RPL35A: variants seen among roughly 807,000 people sequenced by gnomAD.
RPL35A encodes large ribosomal subunit protein eL33.
RPL35A carries 1 observed loss-of-function variant against 16.7 expected under a neutral mutation model. That is an observed-to-expected ratio of 0.06 (90% CI 0.02 to 0.28). The LOEUF (loss-of-function observed/expected upper bound fraction) is 0.28. RPL35A is among the 10% of genes least tolerant of loss of function. The pLI, the probability that RPL35A is intolerant of heterozygous loss-of-function variation, is 1.00. For missense variants in RPL35A, 91 were observed against 138.7 expected, an observed-to-expected ratio of 0.66 and a Z score of 1.73; for synonymous variants, 58 against 47.0, an observed-to-expected ratio of 1.23 and a Z score of -0.96.
rs1360026498 is a variant in RPL35A, at chr3:197,956,593, A to G, written c.*820A>G. On this transcript the variant is annotated 3_prime_UTR_variant, in exon 5 of 5. Transcript: ENST00000647248. The stretch of plus-strand genomic sequence containing the variant: ...AGATTTCTTGGGGATATGCTAAAAT[A>G]AAACAACTAAGGCATCAGTTTTGCT... 1 of 151,770 alleles carries G rather than the reference A, an allele frequency of 6.6e-6. No homozygotes were observed. The highest frequency in any genetic ancestry group is 1.5e-5 in the Non-Finnish European group (1 of 68,010). 9.4% of individuals were successfully genotyped at this position (151,770 alleles called of 1,614,324 possible). A position where few individuals can be genotyped will look rare whatever the true frequency, so the allele number is the denominator to read the frequency against.
intron 4 of RPL35A, among the ~76,000 whole-genome samples, 157 bp from the exon 5 acceptor site, chr3:197,955,593 C>G (rs1017053639): frequency 6.6e-6 from 1 of 152,080 alleles, no homozygotes; most frequent in Non-Finnish European, 1.5e-5. Flanking sequence ...CCGGTTCTTA[C>G]GGTATGTTCA....
intron 4 of RPL35A, 90 bp from the exon 5 acceptor site, chr3:197,955,660 C>A (rs1720471510): frequency 8.8e-7 from 1 of 1,136,488 alleles, no homozygotes; most frequent in East Asian, 2.3e-5. Flanking sequence ...TAATTGGTAG[C>A]CTTTCAGAGA....
At chr3:197,951,644 C>T (rs553450940) in intron 3 of RPL35A, 64 of 322,808 alleles carry the variant, frequency 2.0e-4, no homozygotes, top group South Asian at 1.9e-3. Context: ...TGAGCCACCG[C>T]GCCTGGCCTC....
rs780895868 is a variant in RPL35A at position 197,951,182 on chromosome 3, C to T, written c.35C>T (p.Ala12Val). ...SGRLWSKAIF[A>V]GYKRGLRNQR... ...AGGCTGTGGTCCAAGGCCATTTTTG[C>T]TGGCTATAAGCGGGGTCTCCGGAAC... is the stretch of plus-strand genomic sequence containing the variant. Residue 12 changes from alanine (A) to valine (V), a missense_variant, in exon 3 of 5, where the codon GCT becomes GTT. Transcript: ENST00000647248. 3 of 1,613,998 alleles carry T rather than the reference C, an allele frequency of 1.9e-6. No individual in the cohort carries two copies. Among genetic ancestry groups the T allele is most frequent in the African/African-American group, 1.3e-5 (1 of 74,880 alleles).
Position 197,950,984 on chromosome 3 carries a change from C to T in RPL35A, c.11+6C>T. ...AAAGGAACTATGTCTGGAAGGTACG[C>T]GTTTTAAATATAGTTCTTTATTTTT... On this transcript the variant is annotated splice_donor_region_variant and intron_variant, in intron 2 of 4. Coordinates refer to ENST00000647248, the MANE Select transcript of RPL35A (RefSeq NM_000996.4). 6.2e-7 allele frequency: 1 copy of T among 1,613,300 alleles called. No homozygotes were observed. Among genetic ancestry groups the T allele is most frequent in the Admixed American group, 1.7e-5 (1 of 60,006 alleles).
intron 4 of RPL35A, among the ~76,000 whole-genome samples, chr3:197,955,430 T>A (rs1479728231): frequency 6.6e-6 from 1 of 151,708 alleles, no homozygotes; most frequent in East Asian, 1.9e-4. Context: ...GCCCAGCTGA[T>A]TTTTGTATTT....
intron 4 of RPL35A, 28 bp from the exon 5 acceptor site, chr3:197,955,721 TA>T: frequency 6.4e-7 from 1 of 1,567,434 alleles, no homozygotes; most frequent in Non-Finnish European, 8.8e-7. Flanking sequence ...AACATTCACC[TA>T]ATGTTTTGTG....
At chr3:197,951,784 T>TGCCTCC (rs1720114679) in intron 3 of RPL35A, 1 of 173,950 alleles carries the variant, frequency 5.7e-6, no homozygotes, top group Non-Finnish European at 1.2e-5. Context: ...CTGCAGCCTC[T>TGCCTCC]GCCTCCTGGC....
rs1038552139 is a variant in RPL35A, at chr3:197,950,226, G to C, written c.-33+5G>C. ...GCCATCTTGGCTCCTGTGGAGGTGA[G>C]TGAAGGGTCTGCTGCTGAAATTTGG... On this transcript the variant is annotated splice_donor_5th_base_variant and intron_variant, in intron 1 of 4. Coordinates refer to ENST00000647248, the MANE Select transcript of RPL35A (RefSeq NM_000996.4). The C allele has an allele frequency of 2.4e-6, 3 of 1,231,332 alleles. No homozygotes were observed. The highest frequency in any genetic ancestry group is 3.0e-6 in the Non-Finnish European group (3 of 987,874). 76.3% of individuals were successfully genotyped at this position (1,231,332 alleles called of 1,614,324 possible). A position where few individuals can be genotyped will look rare whatever the true frequency, so the allele number is the denominator to read the frequency against.
rs539395358 is a variant in RPL35A, at chr3:197,956,230, A to G, written c.*457A>G. On this transcript the variant is annotated 3_prime_UTR_variant, in exon 5 of 5. Transcript: ENST00000647248. ...GGCCTCTCCTGAAGTGCTGGGATAC[A>G]GTTATGAGCCACCACACCTGCCAAG... 1.6e-5 allele frequency: 3 copies of G among 192,444 alleles called. No homozygotes were observed. The highest frequency in any genetic ancestry group is 2.2e-5 in the Non-Finnish European group (2 of 90,996). 11.9% of individuals were successfully genotyped at this position (192,444 alleles called of 1,614,324 possible).
chr3:197,952,779 C>T (rs1477983235), intron 3 of RPL35A, among the ~76,000 whole-genome samples: 2 of 152,094 alleles, frequency 1.3e-5, no homozygotes, highest in Admixed American at 1.3e-4. Context: ...TAGCGCAAGT[C>T]ACTGCACCAG....
intron 1 of RPL35A, 79 bp from the exon 2 acceptor site, chr3:197,950,857 T>C (rs1720008763): frequency 1.5e-6 from 2 of 1,353,604 alleles, no homozygotes; most frequent in Non-Finnish European, 2.1e-6. Flanking sequence ...GGAATTTGCT[T>C]TAGGGGCTTA....
At position 197,955,735 on chromosome 3, in the gene RPL35A, CTT is replaced by C. The variant is rs1293241906; in HGVS notation, c.310-10_310-9del. On this transcript the variant is annotated splice_polypyrimidine_tract_variant and intron_variant, in intron 4 of 4. Transcript: ENST00000647248. Reference sequence around the variant, plus strand: ...TAACATTCACCTAATGTTTTGTGTTCTTTTTTCCCTGCAGATGCTGTACCCCT... The same window carrying C: ...TAACATTCACCTAATGTTTTGTGTTCTTTTCCCTGCAGATGCTGTACCCCT... The C allele has an allele frequency of 6.3e-7, 1 of 1,597,354 alleles. No homozygotes were observed. Among genetic ancestry groups the C allele is most frequent in the South Asian group, 1.1e-5 (1 of 90,630 alleles).
rs529531482 is a variant in RPL35A, at chr3:197,956,164, G to A, written c.*391G>A. On this transcript the variant is annotated 3_prime_UTR_variant, in exon 5 of 5. Transcript: ENST00000647248. The stretch of plus-strand genomic sequence containing the variant: ...TAGAGAGGGTCTGACTCTTGCCTAT[G>A]CTGGCTTCAAACTCCTGGGCTCAAG... 13 of 241,906 alleles carry A rather than the reference G, an allele frequency of 5.4e-5. No homozygotes were observed. In the East Asian group the frequency reaches 1.2e-3, roughly 22 times the overall value. 15.0% of individuals were successfully genotyped at this position (241,906 alleles called of 1,614,324 possible).
chr3:197,951,187 T>C lies in RPL35A; in HGVS notation c.40T>C (p.Tyr14His). The C allele has an allele frequency of 3.7e-6, 6 of 1,614,238 alleles. No individual in the cohort carries two copies. Among genetic ancestry groups the C allele is most frequent in the Non-Finnish European group, 5.1e-6 (6 of 1,180,054 alleles). Residue 14 changes from tyrosine to histidine, a missense_variant, in exon 3 of 5, where the codon TAT becomes CAT. Tyr to His is a moderately conservative substitution (Grantham distance 83). Transcript: ENST00000647248. ...RLWSKAIFAGYKRGLRNQREH... is the reference protein window; with the variant it reads ...RLWSKAIFAGHKRGLRNQREH... ...GTGGTCCAAGGCCATTTTTGCTGGCTATAAGCGGGGTCTCCGGAACCAAAG... is the reference window on the plus strand; with the variant it reads ...GTGGTCCAAGGCCATTTTTGCTGGCCATAAGCGGGGTCTCCGGAACCAAAG...
chr3:197,951,353 G>A, intron 3 of RPL35A, 42 bp downstream of exon 3: 1 of 1,602,714 alleles, frequency 6.2e-7, no homozygotes. Flanking sequence ...TTTGAGATCT[G>A]CCTCATTTTC....
chr3:197,950,895 G>C lies in RPL35A; in HGVS notation c.-32-41G>C, dbSNP rs1720010359. The C allele has an allele frequency of 2.5e-6, 4 of 1,606,050 alleles. No individual in the cohort carries two copies. The South Asian group carries it at 3.3e-5, about 13-fold the overall frequency. ...CGAGAGGGGACGAGGTGGGAAACTTGTGTGGCTTGGTTTTAAACTAATCTT... is the reference window on the plus strand; with the variant it reads ...CGAGAGGGGACGAGGTGGGAAACTTCTGTGGCTTGGTTTTAAACTAATCTT... On this transcript the variant is annotated intron_variant, in intron 1 of 4. Transcript: ENST00000647248.
At chr3:197,952,446 GC>G (rs2109809065) in intron 3 of RPL35A, 1 of 151,870 alleles carries the variant, frequency 6.6e-6, no homozygotes, top group South Asian at 2.1e-4. Context: ...GGGATTACAG[GC>G]AGGAGCCACG....
rs1456590302 is a variant in RPL35A at position 197,951,138 on chromosome 3, TGTG to T, written c.12-20_12-18del. The T allele has an allele frequency of 6.2e-7, 1 of 1,613,918 alleles. No individual in the cohort carries two copies. The highest frequency in any genetic ancestry group is 1.3e-5 in the African/African-American group (1 of 74,908). On this transcript the variant is annotated intron_variant, in intron 2 of 4. Coordinates refer to ENST00000647248, the MANE Select transcript of RPL35A (RefSeq NM_000996.4). ...GTTTTTTGAAGCTTATGTTTCATGTTGTGTATCTTTTGTGTCTTAGGCTGTGGT... is the reference window on the plus strand; with the variant it reads ...GTTTTTTGAAGCTTATGTTTCATGTTTATCTTTTGTGTCTTAGGCTGTGGT...
Sources: allele counts gnomAD v4.1 joint callset (sites outside exome capture counted in the v4.1 genomes callset), GRCh38; gene constraint gnomAD v4.1.1; transcripts MANE v1.5; gene names NCBI Gene and HGNC (gene_info 2026-07-23, HGNC 2026-07-21).